CDK5RAP1: variants seen among roughly 807,000 people sequenced by gnomAD.
CDK5RAP1 encodes the protein CDK5RAP1 mitochondrial tRNA methylthiotransferase.
Under a neutral mutation model 64.5 loss-of-function variants are expected in CDK5RAP1, and 62 were observed. The observed-to-expected ratio is 0.96, with a 90% CI of 0.78 to 1.19. The LOEUF (loss-of-function observed/expected upper bound fraction) is 1.19, where lower values mean the gene tolerates loss of function less well. Among genes scored for constraint, CDK5RAP1 ranks in the 50% most tolerant of loss-of-function variants. CDK5RAP1 has a pLI of 0.00. For synonymous variants in CDK5RAP1, 250 were observed against 261.9 expected, an observed-to-expected ratio of 0.95 and a Z score of 0.44; for missense variants, 657 against 735.0, an observed-to-expected ratio of 0.89 and a Z score of 1.23.
chr20:33,392,222 A>G lies in CDK5RAP1; in HGVS notation c.464T>C (p.Ile155Thr). The change falls in exon 5 of 14, where the codon ATC becomes ACC. Residue 155 changes from isoleucine (I) to threonine (T), a missense_variant. Transcript: ENST00000346416. ...CSIREKAEQTIWNRLHQLKAL... is the reference protein window; with the variant it reads ...CSIREKAEQTTWNRLHQLKAL... The stretch of plus-strand genomic sequence containing the variant: ...TTTAAGCTGATGTAAACGGTTCCAG[A>G]TGGTCTGCTCAGCCTTCTCCCTAGA... The G allele has an allele frequency of 6.2e-7, 1 of 1,613,578 alleles. No homozygotes were observed. Among genetic ancestry groups the G allele is most frequent in the Non-Finnish European group, 8.5e-7 (1 of 1,179,540 alleles).
chr20:33,376,900 T>C (rs1986066857), intron 8 of CDK5RAP1, among the ~76,000 whole-genome samples: 1 of 152,198 alleles, frequency 6.6e-6, no homozygotes, highest in African/African-American at 2.4e-5. Context: ...GATTTCAACA[T>C]TCATGGATGA....
Position 33,359,130 on chromosome 20 carries a change from G to C in CDK5RAP1, c.1684-7C>G, listed in dbSNP as rs541763921. ...GAGAACTGGCTGAGGTGATCTGAAA[G>C]AAAACCAGGCAGAAGAAGGCAAAAT... On this transcript the variant is annotated splice_region_variant and splice_polypyrimidine_tract_variant and intron_variant, in intron 13 of 13. Coordinates refer to ENST00000346416, the MANE Select transcript of CDK5RAP1 (RefSeq NM_016408.4). The C allele has an allele frequency of 1.2e-6, 2 of 1,611,572 alleles. No homozygotes were observed. The highest frequency in any genetic ancestry group is 1.7e-6 in the Non-Finnish European group (2 of 1,177,844).
intron 6 of CDK5RAP1, 105 bp downstream of exon 6, chr20:33,387,218 T>C: frequency 1.2e-6 from 1 of 818,294 alleles, no homozygotes; most frequent in Non-Finnish European, 1.9e-6. Flanking sequence ...ATCATGACAC[T>C]GCACTCCAGC....
intron 12 of CDK5RAP1, among the ~76,000 whole-genome samples, chr20:33,361,345 G>C (rs917060331): frequency 6.6e-6 from 1 of 152,208 alleles, no homozygotes; most frequent in African/African-American, 2.4e-5. Context: ...AGAGAAGGGA[G>C]CAAAGCGGAA....
intron 11 of CDK5RAP1, 108 bp from the exon 12 acceptor site, chr20:33,367,116 C>T: frequency 9.1e-7 from 1 of 1,104,830 alleles, no homozygotes; most frequent in Non-Finnish European, 1.3e-6. Flanking sequence ...AAGTAACAGA[C>T]ACATGTACAG....
At chr20:33,367,051 G>A (rs1176549772) in intron 11 of CDK5RAP1, 43 bp from the exon 12 acceptor site, 1 of 1,574,828 alleles carries the variant, frequency 6.3e-7, no homozygotes, top group Non-Finnish European at 8.6e-7. Flanking sequence ...GGTCACCAAG[G>A]ACTTGTAGAA....
At chr20:33,372,427 T>A (rs6057832) in intron 10 of CDK5RAP1, among the ~76,000 whole-genome samples, 6,372 of 151,512 alleles carry the variant, frequency 0.042, 403 homozygotes, top group Admixed American at 0.15. Flanking sequence ...GGCCACAAGG[T>A]GATCCACACC....
At chr20:33,378,880 G>A (rs561134236) in intron 8 of CDK5RAP1, among the ~76,000 whole-genome samples, 1 of 152,168 alleles carries the variant, frequency 6.6e-6, no homozygotes, top group Admixed American at 6.5e-5. Context: ...AATCCTCTCT[G>A]TACAGCCCTC....
chr20:33,390,490 AATGGAT>A (rs1988194873), intron 5 of CDK5RAP1, among the ~76,000 whole-genome samples: 1 of 152,144 alleles, frequency 6.6e-6, no homozygotes, highest in Non-Finnish European at 1.5e-5. Context: ...GCGTGTGTTC[AATGGAT>A]ATGTAGTCTC....
chr20:33,372,982 G>T, intron 9 of CDK5RAP1: 1 of 246,280 alleles, frequency 4.1e-6, no homozygotes, highest in Non-Finnish European at 7.8e-6. Context: ...GCACAATCTC[G>T]GTTCACTGCA....
At position 33,382,240 on chromosome 20, in the gene CDK5RAP1, G is replaced by A. The variant is rs76123449; in HGVS notation, c.877-2549C>T. ...ATTAAAAAGTAGGATATAAAACTAA[G>A]TAAAATACACACACATATATAAAAA... On this transcript the variant is annotated intron_variant, in intron 7 of 13. Transcript: ENST00000346416. 5.3e-4 allele frequency among the ~76,000 whole-genome samples: 80 copies of A among 152,222 alleles called. 2 individuals carry two copies. The East Asian group carries it at 0.014, about 26-fold the overall frequency.
At chr20:33,377,632 T>C (rs577278753) in intron 8 of CDK5RAP1, among the ~76,000 whole-genome samples, 3 of 152,284 alleles carry the variant, frequency 2.0e-5, no homozygotes, top group African/African-American at 7.2e-5. Context: ...TGGGTTTTGT[T>C]GTTAGTGGTT....
intron 11 of CDK5RAP1, among the ~76,000 whole-genome samples, chr20:33,368,016 T>A (rs1299039766): frequency 2.0e-5 from 3 of 152,248 alleles, no homozygotes; most frequent in Non-Finnish European, 4.4e-5. Flanking sequence ...TTACTATGCA[T>A]GAAACACAAT....
At chr20:33,390,274 C>CAAA (rs113894811) in intron 5 of CDK5RAP1, among the ~76,000 whole-genome samples, 1 of 142,842 alleles carries the variant, frequency 7.0e-6, no homozygotes, top group Non-Finnish European at 1.5e-5. Flanking sequence ...ACCCTGTCAC[C>CAAA]AAAAAAAAAA....
chr20:33,379,752 T>A, intron 7 of CDK5RAP1, 61 bp from the exon 8 acceptor site: 1 of 1,228,200 alleles, frequency 8.1e-7, no homozygotes, highest in Non-Finnish European at 1.2e-6. Context: ...AAAAAAACAC[T>A]AATTAAAAAT....
At chr20:33,390,799 G>A (rs1988221126) in intron 5 of CDK5RAP1, among the ~76,000 whole-genome samples, 1 of 152,126 alleles carries the variant, frequency 6.6e-6, no homozygotes, top group Admixed American at 6.6e-5. Flanking sequence ...TGCTCCATCT[G>A]TGTGTGGACC....
intron 1 of CDK5RAP1, among the ~76,000 whole-genome samples, chr20:33,398,904 T>G (rs1292964868): frequency 6.6e-6 from 1 of 152,018 alleles, no homozygotes; most frequent in Non-Finnish European, 1.5e-5. Flanking sequence ...CCAGCCTGGG[T>G]GACAGAGTAA....
chr20:33,366,871 C>T lies in CDK5RAP1; in HGVS notation c.1530G>A (p.Val510=), dbSNP rs764432916. 1 of 1,613,424 alleles carries T rather than the reference C, an allele frequency of 6.2e-7. No homozygotes were observed. The highest frequency in any genetic ancestry group is 8.5e-7 in the Non-Finnish European group (1 of 1,179,822). The stretch of plus-strand genomic sequence containing the variant: ...CATATGGCCTCACCCCTTCCACTAG[C>T]ACCAACTGGGTACAGCCCACAGAGG... The part of the protein sequence containing the change: ...NQTSVGCTQL[V]LVEGLSKRSA... The change falls in exon 12 of 14, where the codon GTG becomes GTA. Residue 510 remains valine, a synonymous_variant. Transcript: ENST00000346416.
At chr20:33,370,716 G>A (rs1433080142) in intron 10 of CDK5RAP1, 87 bp from the exon 11 acceptor site, 1 of 1,400,478 alleles carries the variant, frequency 7.1e-7, no homozygotes, top group Non-Finnish European at 1.0e-6. Context: ...ACAAGGGAGG[G>A]ATAGCAACTG....
Sources: gnomAD v4.1 joint callset for allele counts (sites outside exome capture counted in the v4.1 genomes callset) on GRCh38, gnomAD v4.1.1 for gene constraint, MANE v1.5 for transcripts, NCBI Gene and HGNC (gene_info 2026-07-23, HGNC 2026-07-21) for gene names.